The following MYCBPAP variants were observed in gnomAD, a reference collection of about 807,000 sequenced individuals.
The protein encoded by MYCBPAP is MYCBP-associated protein.
A neutral mutation model predicts 106.1 loss-of-function variants in MYCBPAP; 60 were observed. The observed-to-expected ratio is 0.57, with a 90% confidence interval of 0.46 to 0.70. MYCBPAP has a LOEUF of 0.70. MYCBPAP is among the 30% of genes least tolerant of loss of function. The pLI is 0.00. For synonymous variants in MYCBPAP, 407 were observed against 440.6 expected, an observed-to-expected ratio of 0.92 and a Z score of 0.95; for missense variants, 1,064 against 1,169.3, an observed-to-expected ratio of 0.91 and a Z score of 1.31.
chr17:50,522,121 T>A, intron 10 of MYCBPAP, 40 bp downstream of exon 10: 1 of 1,556,640 alleles, frequency 6.4e-7, no homozygotes, highest in Non-Finnish European at 8.8e-7. Context: ...AGAGCCTCCC[T>A]CAGGGGTGCA....
chr17:50,530,927 G>A (rs1168241711), intron 18 of MYCBPAP, among the ~76,000 whole-genome samples: 11 of 152,130 alleles, frequency 7.2e-5, no homozygotes, highest in Admixed American at 5.9e-4. Flanking sequence ...AAAGCAGGTG[G>A]ATTGCTTGAG....
chr17:50,519,907 C>G (rs2034196890), intron 7 of MYCBPAP, 120 bp downstream of exon 7: 1 of 1,173,290 alleles, frequency 8.5e-7, no homozygotes, highest in South Asian at 1.6e-5. Context: ...CTCTGTGGTT[C>G]TCTGGGGTCT....
Position 50,525,961 on chromosome 17 carries a change from G to T in MYCBPAP, c.1863G>T (p.Glu621Asp), listed in dbSNP as rs149996796. ...TGACCCTGCCCGCCAAGGCTGAGGA[G>T]GCCAGGCCAGGGGACAAGGAGCACG... Reference protein sequence around the residue: ...QYMTLPAKAEEARPGDKEHVS... With the variant: ...QYMTLPAKAEDARPGDKEHVS... Residue 621 changes from glutamate to aspartate, a missense_variant, in exon 14 of 19, where the codon GAG (glutamate) becomes GAT (aspartate). Coordinates refer to ENST00000323776, the MANE Select transcript of MYCBPAP (RefSeq NM_032133.6). The T allele has an allele frequency of 1.9e-6, 3 of 1,613,792 alleles. No homozygotes were observed. The highest frequency in any genetic ancestry group is 1.7e-5 in the Admixed American group (1 of 60,024).
intron 10 of MYCBPAP, 113 bp downstream of exon 10, chr17:50,522,194 T>A (rs754990278): frequency 7.9e-6 from 6 of 755,882 alleles, no homozygotes; most frequent in Non-Finnish European, 8.8e-6. Flanking sequence ...TTTTATCTGG[T>A]CGTGCATTCA....
chr17:50,526,244 C>G lies in MYCBPAP; in HGVS notation c.2146C>G (p.Leu716Val). The change falls in exon 14 of 19, where the codon CTC (leucine) becomes GTC (valine). Residue 716 changes from leucine to valine, a missense_variant. By Grantham distance (32) the Leu-to-Val change is conservative. Coordinates refer to ENST00000323776, the MANE Select transcript of MYCBPAP (RefSeq NM_032133.6). ...PDGLPLLEWN[L>V]CLEDFRKAVM... is the part of the protein sequence containing the mutation. The stretch of plus-strand genomic sequence containing the variant: ...TGGCCTTCCCCTGCTGGAGTGGAAC[C>G]TCTGCTTGGAGGACTTCAGAAAGGT... 1 of 1,610,346 alleles carries G rather than the reference C, an allele frequency of 6.2e-7. No individual in the cohort carries two copies. The highest frequency in any genetic ancestry group is 8.5e-7 in the Non-Finnish European group (1 of 1,179,112).
chr17:50,522,915 A>G (rs2034327863), intron 10 of MYCBPAP, 24 bp from the exon 11 acceptor site: 1 of 1,599,742 alleles, frequency 6.3e-7, no homozygotes, highest in Non-Finnish European at 8.6e-7. Flanking sequence ...CAGCAAAGAC[A>G]TTTCTTGTCC....
At chr17:50,509,095 G>A (rs753450769) in intron 1 of MYCBPAP, 1 of 702,986 alleles carries the variant, frequency 1.4e-6, no homozygotes, top group South Asian at 1.5e-5. Context: ...GAAGAGCCAG[G>A]AAAGAGTTTA....
rs1324914463 is a variant in MYCBPAP, at chr17:50,529,762, T to C, written c.2724+574T>C. 6.6e-6 allele frequency: 3 copies of C among 456,704 alleles called. 1 individual carries two copies. The highest frequency in any genetic ancestry group is 4.4e-6 in the Non-Finnish European group (1 of 226,960). The allele number at this position is 456,704 out of a possible 1,614,324, so 28.3% of individuals were successfully genotyped here. On this transcript the variant is annotated intron_variant, in intron 18 of 18. Transcript: ENST00000323776. ...AGCCCTTCTCTTTCTTACTCCCCGT[T>C]AGGTGCATCCTGGCAGATGCGTTCC...
In MYCBPAP at chr17:50,518,982, A is replaced by G. The variant is rs199571032; in HGVS notation, c.661A>G (p.Lys221Glu). Reference protein sequence around the residue: ...KQQEALSEHLKKPVSELLMHT... With the variant: ...KQQEALSEHLEKPVSELLMHT... ...CTTGCCTCTCTCTCTAGAACACCTA[A>G]AGAAGCCAGTGAGTGAGCTGCTCAT... The change falls in exon 6 of 19, where the codon AAG becomes GAG. Residue 221 changes from lysine (K) to glutamate (E), a missense_variant. Lys to Glu is a moderately conservative substitution (Grantham distance 56). Transcript: ENST00000323776. 3.5e-5 allele frequency: 56 copies of G among 1,613,616 alleles called. No homozygotes were observed. Among genetic ancestry groups the G allele is most frequent in the South Asian group, 5.5e-5 (5 of 91,086 alleles).
At position 50,529,138 on chromosome 17, in the gene MYCBPAP, C is replaced by G. The variant is rs200103442; in HGVS notation, c.2674C>G (p.Pro892Ala). ...TPDIILSSQEPIDPLVMGKYT... is the reference protein window; with the variant it reads ...TPDIILSSQEAIDPLVMGKYT... ...TGACATCATCCTCTCTTCTCAAGAA[C>G]CCATAGACCCCCTGGTCATGGGGAA... The change falls in exon 18 of 19, where the codon CCC (proline) becomes GCC (alanine). Residue 892 changes from proline (P) to alanine (A), a missense_variant. Physicochemically the swap from Pro to Ala is conservative, Grantham distance 27. Coordinates refer to ENST00000323776, the MANE Select transcript of MYCBPAP (RefSeq NM_032133.6). 1 of 1,613,774 alleles carries G rather than the reference C, an allele frequency of 6.2e-7. No individual in the cohort carries two copies. Among genetic ancestry groups the G allele is most frequent in the Non-Finnish European group, 8.5e-7 (1 of 1,180,040 alleles).
chr17:50,518,797 T>G, intron 5 of MYCBPAP, 73 bp downstream of exon 5: 1 of 1,541,780 alleles, frequency 6.5e-7, no homozygotes, highest in Non-Finnish European at 8.8e-7. Flanking sequence ...TTTGCTCTCC[T>G]CCAGAGCCTG....
At chr17:50,515,624 C>A (rs2034020214) in intron 1 of MYCBPAP, among the ~76,000 whole-genome samples, 1 of 152,144 alleles carries the variant, frequency 6.6e-6, no homozygotes, top group African/African-American at 2.4e-5. Context: ...TAGGCCCTGG[C>A]TCCATGCAGT....
In MYCBPAP at chr17:50,517,451, C is replaced by T. The variant is rs765146254; in HGVS notation, c.363C>T (p.Ser121=). The T allele has an allele frequency of 1.4e-5, 22 of 1,614,072 alleles. No homozygotes were observed. Among genetic ancestry groups the T allele is most frequent in the South Asian group, 6.6e-5 (6 of 91,080 alleles). Residue 121 remains serine (S), a splice_region_variant and synonymous_variant, in exon 3 of 19, where the codon TCC becomes TCT. Transcript: ENST00000323776. ...AAGCCACAAAGCCTCTGGACTACTC[C>T]GGTACACCCAGTCTCAGCCCTGGCT... ...PDEATKPLDY[S]GPGDSFDGSD... is the part of the protein sequence containing the mutation.
chr17:50,521,900 C>T, intron 9 of MYCBPAP, 73 bp from the exon 10 acceptor site: 1 of 1,404,426 alleles, frequency 7.1e-7, no homozygotes, highest in Non-Finnish European at 1.0e-6. Context: ...TTCCTGGTGA[C>T]CGTTTCTGTG....
Position 50,526,161 on chromosome 17 carries a change from A to G in MYCBPAP, c.2063A>G (p.Glu688Gly). 1 of 1,613,668 alleles carries G rather than the reference A, an allele frequency of 6.2e-7. No individual in the cohort carries two copies. The highest frequency in any genetic ancestry group is 8.5e-7 in the Non-Finnish European group (1 of 1,179,924). The change falls in exon 14 of 19, where the codon GAG (glutamate) becomes GGG (glycine). Residue 688 changes from glutamate (E) to glycine (G), a missense_variant. Glu to Gly is a moderately conservative substitution (Grantham distance 98). Coordinates refer to ENST00000323776, the MANE Select transcript of MYCBPAP (RefSeq NM_032133.6). ...KSPQRKSIME[E>G]ILVEESPDVD... ...CCTCAGCGGAAGAGCATCATGGAGG[A>G]GATCCTGGTGGAGGAAAGCCCAGAT...
Position 50,526,291 on chromosome 17 carries a change from A to G in MYCBPAP, c.2169+24A>G, listed in dbSNP as rs1329642160. ...AGGTGCTTCCAAGACCCTGGAAGGC[A>G]ATGGTAGAGAATATTCCTGCCTCGA... is the stretch of plus-strand genomic sequence containing the variant. On this transcript the variant is annotated intron_variant, in intron 14 of 18. Coordinates refer to ENST00000323776, the MANE Select transcript of MYCBPAP (RefSeq NM_032133.6). 5 of 1,558,164 alleles carry G rather than the reference A, an allele frequency of 3.2e-6. No individual in the cohort carries two copies. In the African/African-American group the frequency reaches 5.5e-5, roughly 17 times the overall value.
rs183738069 is a variant in MYCBPAP at position 50,521,266 on chromosome 17, G to T, written c.1032+41G>T. On this transcript the variant is annotated intron_variant, in intron 8 of 18. Coordinates refer to ENST00000323776, the MANE Select transcript of MYCBPAP (RefSeq NM_032133.6). ...ATGCCCCAGTCAGAAGCCCCTTGGG[G>T]CGATGCCTGTCTTCAGTCAGCTCAT... 1.9e-4 allele frequency: 311 copies of T among 1,596,140 alleles called. 6 individuals are homozygous for T. In the African/African-American group the frequency reaches 3.4e-3, roughly 17 times the overall value.
intron 1 of MYCBPAP, chr17:50,515,856 C>G (rs1287587074): frequency 1.3e-5 from 2 of 152,194 alleles, no homozygotes; most frequent in Non-Finnish European, 2.9e-5. Flanking sequence ...CTTTTTTGTA[C>G]AGATGGAGTC....
intron 2 of MYCBPAP, 151 bp downstream of exon 2, chr17:50,516,848 C>G (rs979145106): frequency 6.2e-6 from 5 of 809,836 alleles, no homozygotes; most frequent in Non-Finnish European, 7.6e-6. Context: ...ACTTTACCAC[C>G]TTAAGGAATT....
Sources: gnomAD v4.1 joint callset for allele counts (sites outside exome capture counted in the v4.1 genomes callset) on GRCh38, gnomAD v4.1.1 for gene constraint, MANE v1.5 for transcripts, NCBI Gene and HGNC (gene_info 2026-07-23, HGNC 2026-07-21) for gene names.